The following REDIC1 variants were observed in gnomAD, a reference collection of about 807,000 sequenced individuals.
REDIC1 encodes HEI10 Interacting Protein 1.
the REDIC1 span, among the ~76,000 whole-genome samples, chr12:39,665,916 G>A: frequency 1.3e-5 from 2 of 152,134 alleles, no homozygotes; most frequent in Admixed American, 6.5e-5. Context: ...TTTGCACATT[G>A]ATTTTGTATC....
the REDIC1 span, among the ~76,000 whole-genome samples, chr12:39,671,894 G>A: frequency 0.018 from 2,675 of 152,244 alleles, 71 homozygotes; most frequent in African/African-American, 0.06. Flanking sequence ...CTCAGGTGGT[G>A]TGCACATGTA....
At chr12:39,791,278 G>T in the REDIC1 span, among the ~76,000 whole-genome samples, 3 of 125,736 alleles carry the variant, frequency 2.4e-5, no homozygotes, top group East Asian at 7.6e-4. Flanking sequence ...TACTGAATGG[G>T]CAAAAACTGG....
At chr12:39,676,323 A>G in the REDIC1 span, among the ~76,000 whole-genome samples, 2 of 152,184 alleles carry the variant, frequency 1.3e-5, no homozygotes, top group Non-Finnish European at 2.9e-5. Context: ...AAGTTTCAAC[A>G]ATAGAATCGA....
At chr12:39,898,753 C>T in the REDIC1 span, among the ~76,000 whole-genome samples, 3 of 152,110 alleles carry the variant, frequency 2.0e-5, no homozygotes, top group Admixed American at 1.3e-4. Context: ...ACCAGAGTCA[C>T]CCACACTACT....
At chr12:39,892,009 C>T in the REDIC1 span, among the ~76,000 whole-genome samples, 1 of 152,204 alleles carries the variant, frequency 6.6e-6, no homozygotes, top group Admixed American at 6.5e-5. Flanking sequence ...TCTATTAATT[C>T]ATACATTAAT....
the REDIC1 span, among the ~76,000 whole-genome samples, chr12:39,804,796 A>G: frequency 4.6e-5 from 7 of 152,300 alleles, no homozygotes; most frequent in East Asian, 1.3e-3. Flanking sequence ...ATACATTTAT[A>G]TTTACATGTT....
chr12:39,714,205 A>ATGTATATG, the REDIC1 span, among the ~76,000 whole-genome samples: 19 of 37,156 alleles, frequency 5.1e-4, no homozygotes, highest in African/African-American at 1.1e-3. Context: ...ATATGTATAT[A>ATGTATATG]CATGCATATA....
At chr12:39,902,688 C>A in the REDIC1 span, among the ~76,000 whole-genome samples, 2 of 152,016 alleles carry the variant, frequency 1.3e-5, no homozygotes, top group African/African-American at 4.8e-5. Flanking sequence ...TGCCTTATAA[C>A]TAAAATATCC....
chr12:39,801,249 A>T, the REDIC1 span, among the ~76,000 whole-genome samples: 4 of 12,580 alleles, frequency 3.2e-4, no homozygotes, highest in Non-Finnish European at 1.4e-3. Flanking sequence ...AGTATAATTA[A>T]AAAAAAAATC....
the REDIC1 span, among the ~76,000 whole-genome samples, chr12:39,766,919 A>G: frequency 6.6e-6 from 1 of 152,060 alleles, no homozygotes; most frequent in Non-Finnish European, 1.5e-5. Flanking sequence ...TTTCTCCCCT[A>G]AAGTCTTCAG....
the REDIC1 span, among the ~76,000 whole-genome samples, chr12:39,704,977 A>G: frequency 6.6e-6 from 1 of 151,186 alleles, no homozygotes; most frequent in Non-Finnish European, 1.5e-5. Flanking sequence ...ATGCTAGATG[A>G]CGAGTTAGTG....
the REDIC1 span, among the ~76,000 whole-genome samples, chr12:39,903,397 C>G: frequency 1.3e-4 from 20 of 152,184 alleles, no homozygotes; most frequent in South Asian, 1.0e-3. Flanking sequence ...ACTAGTGATT[C>G]TTACTTGATA....
chr12:39,684,773 C>G, the REDIC1 span: 7 of 852,010 alleles, frequency 8.2e-6, no homozygotes, highest in African/African-American at 1.2e-4. Flanking sequence ...CCATATAATT[C>G]TGATCTGAAG....
chr12:39,666,117 T>G, the REDIC1 span, among the ~76,000 whole-genome samples: 1 of 152,196 alleles, frequency 6.6e-6, no homozygotes, highest in Non-Finnish European at 1.5e-5. Context: ...ATAGGAGTGG[T>G]GAGAGAGGGC....
At chr12:39,823,687 G>A in the REDIC1 span, among the ~76,000 whole-genome samples, 6 of 152,122 alleles carry the variant, frequency 3.9e-5, no homozygotes, top group Non-Finnish European at 8.8e-5. Context: ...GGGCTCAAGT[G>A]ATCCTCCTGC....
At chr12:39,648,374 T>A in the REDIC1 span, among the ~76,000 whole-genome samples, 1 of 151,636 alleles carries the variant, frequency 6.6e-6, no homozygotes, top group Non-Finnish European at 1.5e-5. Context: ...TTCAGAGATG[T>A]CGTAGTAGTC....
At chr12:39,682,931 C>G in the REDIC1 span, 2 of 1,613,194 alleles carry the variant, frequency 1.2e-6, no homozygotes, top group Non-Finnish European at 1.7e-6. Context: ...GTCACTAGTT[C>G]TGATAAAAAC....
At chr12:39,684,261 A>G in the REDIC1 span, 1 of 978,790 alleles carries the variant, frequency 1.0e-6, no homozygotes. Context: ...GTAACTAAAG[A>G]AAACTTTATT....
chr12:39,790,350 C>T, the REDIC1 span, among the ~76,000 whole-genome samples: 3 of 147,496 alleles, frequency 2.0e-5, 1 homozygote. Context: ...AGGTATATCT[C>T]CCAATGCTAT....
Sources: allele counts gnomAD v4.1 joint callset (sites outside exome capture counted in the v4.1 genomes callset), GRCh38; gene constraint gnomAD v4.1.1; transcripts MANE v1.5; gene names NCBI Gene and HGNC (gene_info 2026-07-23, HGNC 2026-07-21).